CACNA1D: variants seen among roughly 807,000 people sequenced by gnomAD.
The protein encoded by CACNA1D is calcium voltage-gated channel subunit alpha1 D, also known as voltage-dependent L-type calcium channel subunit alpha-1D.
CACNA1D carries 55 observed loss-of-function variants against 257.1 expected under a neutral mutation model. The observed-to-expected ratio is 0.21, with a 90% CI of 0.17 to 0.27. The LOEUF (loss-of-function observed/expected upper bound fraction) is 0.27, where lower values mean the gene tolerates loss of function less well. CACNA1D is among the 10% of genes least tolerant of loss of function. CACNA1D has a pLI of 1.00. For missense variants in CACNA1D, 1,876 were observed against 2,784.0 expected, an observed-to-expected ratio of 0.67 and a Z score of 7.34; for synonymous variants, 980 against 1,014.9, an observed-to-expected ratio of 0.97 and a Z score of 0.65.
intron 3 of CACNA1D, among the ~76,000 whole-genome samples, chr3:53,507,690 T>C (rs996179452): frequency 6.6e-6 from 1 of 152,050 alleles, no homozygotes; most frequent in African/African-American, 2.4e-5. Flanking sequence ...CCAGTGGGGG[T>C]CCTTGCTCAT....
intron 3 of CACNA1D, among the ~76,000 whole-genome samples, chr3:53,606,020 T>A (rs2093505491): frequency 6.6e-6 from 1 of 152,172 alleles, no homozygotes; most frequent in Admixed American, 6.5e-5. Flanking sequence ...ACCCCGTGAC[T>A]TAAATGGGCC....
At chr3:53,735,256 A>G (rs2095046122) in intron 19 of CACNA1D, 118 bp from the exon 20 acceptor site, 1 of 986,914 alleles carries the variant, frequency 1.0e-6, no homozygotes, top group Non-Finnish European at 1.6e-6. Flanking sequence ...GTGCATGGGC[A>G]GCACAGCAGA....
rs936969257 is a variant in CACNA1D, at chr3:53,793,674, G to A, written c.4924-6575G>A. Among the ~76,000 whole-genome samples, 1 of 152,244 alleles carries A rather than the reference G, an allele frequency of 6.6e-6. No individual in the cohort carries two copies. Among genetic ancestry groups the A allele is most frequent in the Admixed American group, 6.5e-5 (1 of 15,288 alleles). On this transcript the variant is annotated intron_variant, in intron 40 of 47. Transcript: ENST00000350061. The surrounding 1 kb of genome is among the most constrained non-coding windows in gnomAD (Gnocchi z 4.1). ...GGCCTGGCTGTGTTGCTGGGGAATG[G>A]CATTGGCTAAGGTTGGTAGCCAAGG... is the stretch of plus-strand genomic sequence containing the variant.
intron 3 of CACNA1D, among the ~76,000 whole-genome samples, chr3:53,530,875 G>C (rs749093740): frequency 6.6e-6 from 1 of 151,564 alleles, no homozygotes; most frequent in South Asian, 2.1e-4. Flanking sequence ...CTGAGACAAG[G>C]TCTTGCTCTG....
intron 45 of CACNA1D, 131 bp downstream of exon 45, chr3:53,805,277 C>A: frequency 2.4e-6 from 2 of 821,904 alleles, no homozygotes; most frequent in East Asian, 2.5e-5. Context: ...AGACCAGCCC[C>A]CAGCCAGAGA....
chr3:53,713,993 G>A (rs2094791524), intron 9 of CACNA1D, among the ~76,000 whole-genome samples: 1 of 152,156 alleles, frequency 6.6e-6, no homozygotes. Context: ...GCAAAATATA[G>A]GCCTTGAGCT....
chr3:53,802,261 T>C, intron 43 of CACNA1D, 88 bp downstream of exon 43: 2 of 1,037,740 alleles, frequency 1.9e-6, no homozygotes, highest in Non-Finnish European at 3.1e-6. Context: ...TGAGAAACAC[T>C]TCTTTGAGCC....
intron 46 of CACNA1D, chr3:53,809,307 C>A (rs1258172011): frequency 6.0e-6 from 1 of 168,028 alleles, no homozygotes; most frequent in Non-Finnish European, 1.3e-5. Flanking sequence ...GGGGCCGGAG[C>A]CCACTCACTA....
intron 46 of CACNA1D, chr3:53,809,600 G>A (rs1428419778): frequency 2.4e-5 from 8 of 326,538 alleles, no homozygotes; most frequent in Admixed American, 4.2e-5. Context: ...ATAAGTGCTG[G>A]GAAGTGGTAG....
intron 3 of CACNA1D, among the ~76,000 whole-genome samples, chr3:53,579,866 G>A (rs1428581411): frequency 6.6e-6 from 1 of 152,264 alleles, no homozygotes; most frequent in Non-Finnish European, 1.5e-5. Flanking sequence ...TGAAGGCAGT[G>A]CCATGCAGGC....
At chr3:53,515,200 C>T (rs79909970) in intron 3 of CACNA1D, among the ~76,000 whole-genome samples, 1,645 of 152,246 alleles carry the variant, frequency 0.011, 32 homozygotes, top group African/African-American at 0.038. Flanking sequence ...GGTTTCTTTA[C>T]GTGTGACTTT....
chr3:53,655,806 C>G (rs2094142467), intron 4 of CACNA1D, among the ~76,000 whole-genome samples: 1 of 152,076 alleles, frequency 6.6e-6, no homozygotes, highest in African/African-American at 2.4e-5. Flanking sequence ...TCAGGTTTTG[C>G]TTTTGTTGTG....
At chr3:53,556,982 C>T (rs1331690289) in intron 3 of CACNA1D, among the ~76,000 whole-genome samples, 1 of 152,114 alleles carries the variant, frequency 6.6e-6, no homozygotes, top group Non-Finnish European at 1.5e-5. Context: ...TCCCAAAGTG[C>T]TGGGATTACA....
At chr3:53,739,977 C>T (rs1260110246) in intron 20 of CACNA1D, among the ~76,000 whole-genome samples, 2 of 152,238 alleles carry the variant, frequency 1.3e-5, no homozygotes, top group Non-Finnish European at 2.9e-5. Flanking sequence ...GTAGCACTCT[C>T]TGATGAGAAA....
At chr3:53,553,492 C>T (rs991818) in intron 3 of CACNA1D, among the ~76,000 whole-genome samples, 56,545 of 152,038 alleles carry the variant, frequency 0.37, 10,903 homozygotes, top group African/African-American at 0.46. Flanking sequence ...CTGCTGCCAC[C>T]ACTGCCAGGT....
chr3:53,744,293 G>A lies in CACNA1D; in HGVS notation c.2919-447G>A, dbSNP rs186216809. On this transcript the variant is annotated intron_variant, in intron 22 of 47. Transcript: ENST00000350061. ...AGCACACCACATTTACCCCTGTCATGTGCCACACTGGGTTGGGATTGCCCA... is the reference window on the plus strand; with the variant it reads ...AGCACACCACATTTACCCCTGTCATATGCCACACTGGGTTGGGATTGCCCA... 6.9e-4 allele frequency among the ~76,000 whole-genome samples: 102 copies of A among 148,598 alleles called. 2 individuals carry two copies. The highest frequency in any genetic ancestry group is 2.4e-3 in the African/African-American group (95 of 40,306).
intron 30 of CACNA1D, 33 bp downstream of exon 30, chr3:53,762,114 G>C (rs759104653): frequency 7.4e-7 from 1 of 1,345,808 alleles, no homozygotes; most frequent in Non-Finnish European, 1.1e-6. Flanking sequence ...CGCCACCTGT[G>C]TCCTCTCTCC....
intron 3 of CACNA1D, among the ~76,000 whole-genome samples, chr3:53,624,394 G>A (rs750451115): frequency 2.0e-5 from 3 of 152,238 alleles, no homozygotes; most frequent in Admixed American, 6.5e-5. Context: ...GAGGTCTTGC[G>A]TGATAACGAA....
chr3:53,632,889 A>G (rs920196232), intron 3 of CACNA1D, among the ~76,000 whole-genome samples: 1 of 152,270 alleles, frequency 6.6e-6, no homozygotes, highest in Non-Finnish European at 1.5e-5. Context: ...ATAAGTGATC[A>G]TAGATCACCG....
Sources: allele counts gnomAD v4.1 joint callset (sites outside exome capture counted in the v4.1 genomes callset), GRCh38; gene constraint gnomAD v4.1.1; non-coding constraint Gnocchi (gnomAD v3.1); transcripts MANE v1.5; gene names NCBI Gene and HGNC (gene_info 2026-07-23, HGNC 2026-07-21).